SMYD2: variants seen among roughly 807,000 people sequenced by gnomAD.
SMYD2 encodes the protein N-lysine methyltransferase SMYD2.
A neutral mutation model predicts 59.1 loss-of-function variants in SMYD2; 53 were observed. That is an observed-to-expected ratio of 0.90 (90% CI 0.72 to 1.13). The LOEUF is 1.13. Ranked by LOEUF, SMYD2 falls within the 50% of genes most tolerant of loss-of-function variation. The pLI is 0.00. For missense variants in SMYD2, 494 were observed against 544.7 expected (o/e 0.91, Z 0.93); for synonymous variants, 208 against 198.8 (o/e 1.05, Z -0.39).
At chr1:214,298,910 TGGGAGGCTGA>T (rs1656775381) in intron 1 of SMYD2, among the ~76,000 whole-genome samples, 1 of 152,168 alleles carries the variant, frequency 6.6e-6, no homozygotes, top group Non-Finnish European at 1.5e-5. Flanking sequence ...CCCAGCACTT[TGGGAGGCTGA>T]GGCAGGAGGG....
intron 1 of SMYD2, among the ~76,000 whole-genome samples, chr1:214,283,544 C>G (rs1365038751): frequency 6.6e-6 from 1 of 152,224 alleles, no homozygotes; most frequent in African/African-American, 2.4e-5. Flanking sequence ...TACCCTACTT[C>G]ATGATTTCTA....
intron 2 of SMYD2, among the ~76,000 whole-genome samples, chr1:214,311,241 A>G (rs574186671): frequency 6.6e-6 from 1 of 152,192 alleles, no homozygotes; most frequent in Admixed American, 6.5e-5. Flanking sequence ...AGCAATTACC[A>G]ATGTTTCAGA....
intron 2 of SMYD2, among the ~76,000 whole-genome samples, chr1:214,313,199 C>T (rs1022248522): frequency 4.6e-5 from 7 of 152,148 alleles, no homozygotes; most frequent in African/African-American, 1.7e-4. Context: ...TCACTGCAAC[C>T]TCTGCCTCCT....
At chr1:214,314,956 A>G in intron 3 of SMYD2, 84 bp downstream of exon 3, 1 of 1,030,112 alleles carries the variant, frequency 9.7e-7, no homozygotes, top group South Asian at 1.4e-5. Flanking sequence ...ACCTTTGGTA[A>G]CCATCTCTCG....
chr1:214,333,993 A>C, intron 10 of SMYD2: 1 of 450,706 alleles, frequency 2.2e-6, no homozygotes, highest in Admixed American at 3.3e-5. Context: ...AGAAACACAC[A>C]AACTACAAAT....
intron 1 of SMYD2, among the ~76,000 whole-genome samples, chr1:214,291,580 A>G (rs542208105): frequency 6.6e-6 from 1 of 152,268 alleles, no homozygotes; most frequent in East Asian, 1.9e-4. Context: ...TTGGGCTCTC[A>G]TTTTGAAGGC....
chr1:214,297,570 A>G (rs1656755024), intron 1 of SMYD2, among the ~76,000 whole-genome samples: 1 of 152,292 alleles, frequency 6.6e-6, no homozygotes, highest in East Asian at 1.9e-4. Flanking sequence ...TCTCAAGCAC[A>G]TATACTGCAC....
At chr1:214,288,302 T>G (rs1656583048) in intron 1 of SMYD2, among the ~76,000 whole-genome samples, 1 of 152,228 alleles carries the variant, frequency 6.6e-6, no homozygotes, top group Admixed American at 6.5e-5. Flanking sequence ...CTTATTCCAT[T>G]TTACATAGAA....
At chr1:214,295,688 C>T (rs568946122) in intron 1 of SMYD2, among the ~76,000 whole-genome samples, 4 of 152,176 alleles carry the variant, frequency 2.6e-5, no homozygotes, top group Admixed American at 2.0e-4. Context: ...GAAGAAGCCC[C>T]CCGCTGCACG....
chr1:214,281,242 C>G lies in SMYD2; in HGVS notation c.-13C>G. 1 of 1,232,810 alleles carries G rather than the reference C, an allele frequency of 8.1e-7. No individual in the cohort carries two copies. The highest frequency in any genetic ancestry group is 1.0e-6 in the Non-Finnish European group (1 of 982,040). The allele number at this position is 1,232,810 out of a possible 1,614,324, so 76.4% of individuals were successfully genotyped here. ...AGCTCGGGCACAGCCGGCGGCCGCG[C>G]CCCGCCGCCACCATGAGGGCCGAGG... is the stretch of plus-strand genomic sequence containing the variant. On this transcript the variant is annotated 5_prime_UTR_variant, in exon 1 of 12. Transcript: ENST00000366957.
chr1:214,298,994 A>G (rs1656776541), intron 1 of SMYD2, among the ~76,000 whole-genome samples: 1 of 152,066 alleles, frequency 6.6e-6, no homozygotes, highest in Non-Finnish European at 1.5e-5. Flanking sequence ...TCTCTACAAA[A>G]TAGCAAATTA....
intron 5 of SMYD2, among the ~76,000 whole-genome samples, chr1:214,321,601 C>T (rs533890888): frequency 2.0e-5 from 3 of 152,150 alleles, no homozygotes; most frequent in East Asian, 1.9e-4. Context: ...TGGGTTACCT[C>T]GAGACCTGGC....
Position 214,281,435 on chromosome 1 carries a change from G to T in SMYD2, c.173+8G>T. ...CGAGTACTGCTTCACCAGGTAGGGC[G>T]GCGGCGGCGGCGGCGGCGGGCGGGA... On this transcript the variant is annotated splice_region_variant and intron_variant, in intron 1 of 11. Coordinates refer to ENST00000366957, the MANE Select transcript of SMYD2 (RefSeq NM_020197.3). 2.9e-6 allele frequency: 4 copies of T among 1,388,626 alleles called. No homozygotes were observed. The highest frequency in any genetic ancestry group is 3.8e-6 in the Non-Finnish European group (4 of 1,066,262). 86.0% of individuals were successfully genotyped at this position (1,388,626 alleles called of 1,614,324 possible).
At chr1:214,324,572 A>G in intron 5 of SMYD2, 69 bp from the exon 6 acceptor site, 1 of 1,377,212 alleles carries the variant, frequency 7.3e-7, no homozygotes, top group Non-Finnish European at 1.0e-6. Context: ...TCAAAATTTA[A>G]AAAAATGATC....
intron 6 of SMYD2, among the ~76,000 whole-genome samples, chr1:214,325,451 T>C (rs548667252): frequency 2.6e-5 from 4 of 152,330 alleles, no homozygotes; most frequent in Admixed American, 2.0e-4. Context: ...TAATCCACAT[T>C]GTAGATAAGT....
intron 2 of SMYD2, among the ~76,000 whole-genome samples, chr1:214,313,001 G>T (rs1657022626): frequency 6.6e-6 from 1 of 152,236 alleles, no homozygotes; most frequent in Non-Finnish European, 1.5e-5. Flanking sequence ...TAGAAAGGTT[G>T]TGGAGCTAAG....
In SMYD2 at chr1:214,305,200, T is replaced by G. The variant is rs1210283469; in HGVS notation, c.187T>G (p.Ser63Ala). 1.2e-6 allele frequency: 2 copies of G among 1,614,212 alleles called. No individual in the cohort carries two copies. Among genetic ancestry groups the G allele is most frequent in the Non-Finnish European group, 1.7e-6 (2 of 1,180,020 alleles). ...EYCFTRKEGL[S>A]KCGRCKQAFY... ...TCTGTTTTTAAGGAAAGAAGGATTG[T>G]CCAAATGTGGAAGATGCAAGCAGGC... The change falls in exon 2 of 12, where the codon TCC becomes GCC. Residue 63 changes from serine to alanine, a missense_variant. Ser to Ala is a moderately conservative substitution (Grantham distance 99, BLOSUM62 1). Coordinates refer to ENST00000366957, the MANE Select transcript of SMYD2 (RefSeq NM_020197.3).
chr1:214,311,248 C>A (rs1432582242), intron 2 of SMYD2, among the ~76,000 whole-genome samples: 2 of 152,212 alleles, frequency 1.3e-5, no homozygotes, highest in African/African-American at 4.8e-5. Context: ...ACCAATGTTT[C>A]AGAGCGCAGC....
chr1:214,287,724 T>A (rs1437807207), intron 1 of SMYD2, among the ~76,000 whole-genome samples: 2 of 151,786 alleles, frequency 1.3e-5, no homozygotes, highest in South Asian at 2.1e-4. Flanking sequence ...GGAAATAATA[T>A]AATATACCTA....
Sources: allele counts gnomAD v4.1 joint callset (sites outside exome capture counted in the v4.1 genomes callset), GRCh38; gene constraint gnomAD v4.1.1; transcripts MANE v1.5; gene names NCBI Gene and HGNC (gene_info 2026-07-23, HGNC 2026-07-21).